Variants in PGM3 observed in about 807,000 individuals in gnomAD.
PGM3 encodes the protein phosphoglucomutase 3.
In PGM3, 40 loss-of-function variants were observed where a neutral mutation model predicts 66.2. The observed-to-expected ratio is 0.60, with a 90% CI of 0.47 to 0.79. The LOEUF (loss-of-function observed/expected upper bound fraction) is 0.79. PGM3 is among the 30% of genes least tolerant of loss of function. The pLI is 0.00. For missense variants in PGM3, 537 were observed against 643.4 expected (o/e 0.83, Z 1.79); for synonymous variants, 191 against 224.2 (o/e 0.85, Z 1.32).
chr6:83,156,164 T>C, downstream of PGM3: 1 of 1,385,790 alleles, frequency 7.2e-7, no homozygotes, highest in Non-Finnish European at 9.8e-7. Context: ...CCTTAGAAAA[T>C]ACTTCTCTAA....
At position 83,181,853 on chromosome 6, in the gene PGM3, T is replaced by C; in HGVS notation, c.670A>G (p.Met224Val). 1 of 1,614,018 alleles carries C rather than the reference T, an allele frequency of 6.2e-7. No individual in the cohort carries two copies. Among genetic ancestry groups the C allele is most frequent in the Admixed American group, 1.7e-5 (1 of 60,020 alleles). ...AGGCCCTGTGAGAAGTAGTGTTCCA[T>C]TTCCCTTAGCTTCAGGGCCCCTATG... Reference protein sequence around the residue: ...NGIGALKLREMEHYFSQGLSV... With the variant: ...NGIGALKLREVEHYFSQGLSV... Residue 224 changes from methionine to valine, a missense_variant, in exon 6 of 13, where the codon ATG (methionine) becomes GTG (valine). Met to Val is a conservative substitution (Grantham distance 21). Coordinates refer to ENST00000513973, the MANE Select transcript of PGM3 (RefSeq NM_015599.3).
At chr6:83,162,966 G>A, downstream of PGM3, 1 of 1,556,588 alleles carries the variant, frequency 6.4e-7, no homozygotes, top group Non-Finnish European at 8.7e-7. Context: ...ACTACATGTT[G>A]CATTAGTGAG....
At chr6:83,161,724 T>G (rs996159186), downstream of PGM3, among the ~76,000 whole-genome samples, 4 of 152,208 alleles carry the variant, frequency 2.6e-5, no homozygotes, top group African/African-American at 9.6e-5. Context: ...ATTCTTATTC[T>G]TGTTGGAAGT....
chr6:83,186,308 G>A (rs1174702592), intron 4 of PGM3, among the ~76,000 whole-genome samples: 1 of 152,146 alleles, frequency 6.6e-6, no homozygotes, highest in Non-Finnish European at 1.5e-5. Context: ...GCAGAAAGCT[G>A]AAGAATGACA....
chr6:83,181,980 A>G (rs775505607), intron 5 of PGM3, 49 bp from the exon 6 acceptor site: 1 of 1,259,302 alleles, frequency 7.9e-7, no homozygotes, highest in Non-Finnish European at 1.1e-6. Flanking sequence ...TTATAAAAAT[A>G]AATGTGAAAT....
chr6:83,153,542 A>G, the PGM3 span: 6 of 1,608,530 alleles, frequency 3.7e-6, no homozygotes, highest in Non-Finnish European at 4.2e-6. Context: ...ATGGTTTTCT[A>G]TAGTGATGAA....
At chr6:83,190,670 T>A in intron 2 of PGM3, 139 bp downstream of exon 2, 2 of 660,714 alleles carry the variant, frequency 3.0e-6, no homozygotes, top group Non-Finnish European at 5.3e-6. Flanking sequence ...AAAAAAAAAG[T>A]TGTTTCACAT....
Position 83,169,252 on chromosome 6 carries a change from C to A in PGM3, c.1611G>T (p.Arg537Ser). ...ATTATCTTCAGAAACCTGGTTGGGG[C>A]CTTTCTCCAATTCCTCCAGCCAGCT... ...VFQLAGGIGERPQPGF is the reference protein window; with the variant it reads ...VFQLAGGIGESPQPGF The change falls in exon 13 of 13, where the codon AGG (arginine) becomes AGT (serine). Residue 537 changes from arginine (R) to serine (S), a missense_variant. Physicochemically the swap from Arg to Ser is moderately radical, Grantham distance 110. Transcript: ENST00000513973. The A allele has an allele frequency of 6.2e-7, 1 of 1,614,036 alleles. No homozygotes were observed. Among genetic ancestry groups the A allele is most frequent in the Non-Finnish European group, 8.5e-7 (1 of 1,179,940 alleles).
At chr6:83,169,678 C>A in intron 12 of PGM3, 1 of 463,794 alleles carries the variant, frequency 2.2e-6, no homozygotes, top group Non-Finnish European at 4.3e-6. Context: ...CATGGATATT[C>A]ATTAGACTCT....
At chr6:83,163,213 TAAAA>T (rs1324550792), downstream of PGM3, among the ~76,000 whole-genome samples, 1 of 151,992 alleles carries the variant, frequency 6.6e-6, no homozygotes, top group Non-Finnish European at 1.5e-5. Flanking sequence ...AAAAAGAAAA[TAAAA>T]ACCTTGGAAC....
chr6:83,191,740 G>A (rs1789078906), intron 1 of PGM3, among the ~76,000 whole-genome samples: 1 of 152,138 alleles, frequency 6.6e-6, no homozygotes, highest in Non-Finnish European at 1.5e-5. Context: ...AGTAATCTTA[G>A]CACTTTGAGA....
the PGM3 span, among the ~76,000 whole-genome samples, chr6:83,154,946 GT>G: frequency 6.6e-6 from 1 of 152,164 alleles, no homozygotes; most frequent in Non-Finnish European, 1.5e-5. Context: ...TCATAAGGTT[GT>G]TTTAAGGTTC....
chr6:83,156,459 C>A (rs2128372810), downstream of PGM3, among the ~76,000 whole-genome samples: 3 of 152,236 alleles, frequency 2.0e-5, no homozygotes, highest in South Asian at 6.2e-4. Flanking sequence ...TAAGGCAAAG[C>A]CAGGAAATTG....
intron 4 of PGM3, among the ~76,000 whole-genome samples, chr6:83,183,895 T>C (rs938506318): frequency 5.9e-5 from 9 of 152,094 alleles, no homozygotes; most frequent in African/African-American, 2.2e-4. Context: ...TTTGTATTTT[T>C]AGTAGAGACA....
chr6:83,177,549 G>A lies in PGM3; in HGVS notation c.1029+1124C>T, dbSNP rs183229782. On this transcript the variant is annotated intron_variant, in intron 8 of 12. Transcript: ENST00000513973. ...TTGCTAAGAGATAGCAAAGATAAAC[G>A]CTCACCCTTTAATATAGCCAAGCGG... is the stretch of plus-strand genomic sequence containing the variant. 4.0e-4 allele frequency among the ~76,000 whole-genome samples: 61 copies of A among 152,212 alleles called. 1 individual carries two copies. Among genetic ancestry groups the A allele is most frequent in the East Asian group, 7.7e-4 (4 of 5,188 alleles).
chr6:83,160,461 C>G (rs960789735), downstream of PGM3, among the ~76,000 whole-genome samples: 25 of 152,142 alleles, frequency 1.6e-4, no homozygotes, highest in Non-Finnish European at 1.0e-4. Context: ...GGGATTAAAC[C>G]ATGTAAGACC....
intron 4 of PGM3, among the ~76,000 whole-genome samples, chr6:83,183,786 C>T (rs977567208): frequency 2.6e-5 from 4 of 151,804 alleles, no homozygotes; most frequent in Non-Finnish European, 4.4e-5. Context: ...AGTGCAATGG[C>T]GCAATCTCAG....
In PGM3 at chr6:83,184,225, C is replaced by T. The variant is rs537108123; in HGVS notation, c.458-1247G>A. Among the ~76,000 whole-genome samples the T allele has an allele frequency of 3.9e-4, 59 of 152,236 alleles. 2 individuals carry two copies. In the South Asian group the frequency reaches 8.1e-3, roughly 21 times the overall value. On this transcript the variant is annotated intron_variant, in intron 4 of 12. Transcript: ENST00000513973. ...GAGCAAAAAACAAAGAAAAATGGATCGCAAAGATGGACCAGTAACCAATAA... is the reference window on the plus strand; with the variant it reads ...GAGCAAAAAACAAAGAAAAATGGATTGCAAAGATGGACCAGTAACCAATAA...
chr6:83,169,424 T>A (rs1004491797), intron 12 of PGM3, 101 bp from the exon 13 acceptor site: 4 of 1,368,632 alleles, frequency 2.9e-6, no homozygotes, highest in Non-Finnish European at 4.0e-6. Context: ...GAGGGGTGAT[T>A]CTTGATTTTG....
Sources: allele counts gnomAD v4.1 joint callset (sites outside exome capture counted in the v4.1 genomes callset), GRCh38; gene constraint gnomAD v4.1.1; transcripts MANE v1.5; gene names NCBI Gene and HGNC (gene_info 2026-07-23, HGNC 2026-07-21).